The following TBL1XR1 variants were observed in gnomAD, a reference collection of about 807,000 sequenced individuals.
TBL1XR1 encodes the protein F-box-like/WD repeat-containing protein TBL1XR1.
TBL1XR1 carries 5 observed loss-of-function variants against 66.9 expected under a neutral mutation model. That is an observed-to-expected ratio of 0.07 (90% confidence interval 0.04 to 0.16). TBL1XR1 has a LOEUF of 0.16. Ranked by LOEUF, TBL1XR1 falls within the 10% of genes least tolerant of loss-of-function variation. The pLI, the probability that TBL1XR1 is intolerant of heterozygous loss-of-function variation, is 1.00. For missense variants in TBL1XR1, 238 were observed against 623.2 expected, an observed-to-expected ratio of 0.38 and a Z score of 6.58; for synonymous variants, 210 against 206.0, an observed-to-expected ratio of 1.02 and a Z score of -0.17.
Position 177,058,181 on chromosome 3 carries a change from TG to T in TBL1XR1, c.59-4264del, listed in dbSNP as rs377474280. Among the ~76,000 whole-genome samples the T allele has an allele frequency of 1.2e-4, 18 of 152,286 alleles. No individual in the cohort carries two copies. The East Asian group carries it at 3.5e-3, about 29-fold the overall frequency. On this transcript the variant is annotated intron_variant, in intron 3 of 15. Coordinates refer to ENST00000457928, the MANE Select transcript of TBL1XR1 (RefSeq NM_024665.7). ...ATGACCACAACATACTGCCCTAGTC[TG>T]AAACGAAAATCTGATTGATCCAAGG... is the stretch of plus-strand genomic sequence containing the variant.
At chr3:177,119,960 C>T (rs148962868) in intron 1 of TBL1XR1, among the ~76,000 whole-genome samples, 43 of 152,276 alleles carry the variant, frequency 2.8e-4, no homozygotes, top group African/African-American at 8.9e-4. Context: ...CTTGGGGACT[C>T]GCTCATCTAA....
At chr3:177,153,057 C>T (rs1731082439) in intron 1 of TBL1XR1, among the ~76,000 whole-genome samples, 1 of 152,104 alleles carries the variant, frequency 6.6e-6, no homozygotes, top group South Asian at 2.1e-4. Flanking sequence ...ACGAGAATCG[C>T]CCGGGAAGTG....
At chr3:177,183,756 C>T (rs1002561319) in intron 1 of TBL1XR1, among the ~76,000 whole-genome samples, 7 of 151,940 alleles carry the variant, frequency 4.6e-5, no homozygotes, top group African/African-American at 7.2e-5. Flanking sequence ...TGAGCCACTG[C>T]GCCCGACCAA....
At chr3:177,090,367 A>G (rs1722671803) in intron 2 of TBL1XR1, among the ~76,000 whole-genome samples, 1 of 151,890 alleles carries the variant, frequency 6.6e-6, no homozygotes, top group Non-Finnish European at 1.5e-5. Flanking sequence ...AATTCTAAAT[A>G]CTAAAAATAA....
intron 1 of TBL1XR1, among the ~76,000 whole-genome samples, chr3:177,157,984 G>C (rs1393490443): frequency 6.6e-6 from 1 of 152,022 alleles, no homozygotes; most frequent in Non-Finnish European, 1.5e-5. Flanking sequence ...CTCGTTAAGT[G>C]TTTTATTTTA....
chr3:177,165,993 G>A (rs1732775268), intron 1 of TBL1XR1, among the ~76,000 whole-genome samples: 1 of 152,162 alleles, frequency 6.6e-6, no homozygotes, highest in African/African-American at 2.4e-5. Flanking sequence ...AGGAGGCTGA[G>A]GTGGGAGGAT....
chr3:177,047,174 C>G, intron 9 of TBL1XR1, 126 bp downstream of exon 9: 1 of 753,662 alleles, frequency 1.3e-6, no homozygotes, highest in Non-Finnish European at 2.1e-6. Flanking sequence ...AGGAGTATTT[C>G]TAGCATAAAT....
chr3:177,164,731 T>C (rs1271682635), intron 1 of TBL1XR1, among the ~76,000 whole-genome samples: 1 of 152,182 alleles, frequency 6.6e-6, no homozygotes, highest in Non-Finnish European at 1.5e-5. Flanking sequence ...ACTGAAAGAA[T>C]ATTGTTAAAA....
At chr3:177,073,213 A>G (rs1720270694) in intron 2 of TBL1XR1, among the ~76,000 whole-genome samples, 1 of 152,184 alleles carries the variant, frequency 6.6e-6, no homozygotes, top group East Asian at 1.9e-4. Flanking sequence ...TAAGACCAAA[A>G]TGTTTGAGAC....
chr3:177,190,220 A>G (rs1735978286), intron 1 of TBL1XR1, among the ~76,000 whole-genome samples: 3 of 151,938 alleles, frequency 2.0e-5, no homozygotes, highest in Non-Finnish European at 4.4e-5. Flanking sequence ...ATAACCAGAT[A>G]AAGTCAACTT....
chr3:177,138,865 G>T (rs949581973), intron 1 of TBL1XR1, among the ~76,000 whole-genome samples: 1 of 152,176 alleles, frequency 6.6e-6, no homozygotes, highest in Non-Finnish European at 1.5e-5. Context: ...AGGGTACCAT[G>T]TGCCTGCTGA....
chr3:177,143,218 G>GT (rs971766930), intron 1 of TBL1XR1, among the ~76,000 whole-genome samples: 11 of 151,946 alleles, frequency 7.2e-5, no homozygotes, highest in African/African-American at 2.4e-4. Flanking sequence ...GAAACACACA[G>GT]TTACTATTGA....
At chr3:177,058,796 C>G (rs1718136445) in intron 3 of TBL1XR1, among the ~76,000 whole-genome samples, 1 of 152,184 alleles carries the variant, frequency 6.6e-6, no homozygotes, top group African/African-American at 2.4e-5. Flanking sequence ...AACAAATTCT[C>G]TGTTTGGCAA....
At chr3:177,096,506 TA>T (rs1183883858) in intron 2 of TBL1XR1, among the ~76,000 whole-genome samples, 5 of 152,170 alleles carry the variant, frequency 3.3e-5, no homozygotes, top group African/African-American at 1.2e-4. Flanking sequence ...CACTTAAGGA[TA>T]GGCATTTGTA....
chr3:177,074,962 T>C (rs993303158), intron 2 of TBL1XR1, among the ~76,000 whole-genome samples: 1 of 152,176 alleles, frequency 6.6e-6, no homozygotes, highest in Non-Finnish European at 1.5e-5. Flanking sequence ...CAAAATGTAA[T>C]GATGTAAGAC....
chr3:177,138,954 C>T (rs1334025100), intron 1 of TBL1XR1, among the ~76,000 whole-genome samples: 2 of 152,118 alleles, frequency 1.3e-5, no homozygotes, highest in African/African-American at 4.8e-5. Flanking sequence ...ACCAAAACTA[C>T]TATTCAAGAG....
intron 12 of TBL1XR1, among the ~76,000 whole-genome samples, chr3:177,036,504 C>T (rs185951135): frequency 1.6e-4 from 25 of 152,198 alleles, no homozygotes; most frequent in African/African-American, 5.8e-4. Flanking sequence ...TAGTTTTAAC[C>T]TCTCTCCAGC....
intron 3 of TBL1XR1, among the ~76,000 whole-genome samples, chr3:177,058,049 A>G (rs1006348354): frequency 6.6e-6 from 1 of 152,178 alleles, no homozygotes; most frequent in Non-Finnish European, 1.5e-5. Context: ...TGCCAACTCT[A>G]CCTTGCAAAT....
At chr3:177,189,691 C>T (rs902936172) in intron 1 of TBL1XR1, among the ~76,000 whole-genome samples, 1 of 141,258 alleles carries the variant, frequency 7.1e-6, no homozygotes, top group African/African-American at 2.8e-5. Flanking sequence ...AAATTAGTTG[C>T]CTTTATAGTC....
Sources: allele counts gnomAD v4.1 joint callset (sites outside exome capture counted in the v4.1 genomes callset), GRCh38; gene constraint gnomAD v4.1.1; transcripts MANE v1.5; gene names NCBI Gene and HGNC (gene_info 2026-07-23, HGNC 2026-07-21).